The following GPSM2 variants were observed in gnomAD, a reference collection of about 807,000 sequenced individuals.
GPSM2 encodes the protein G protein-signaling modulator 2.
In GPSM2, 58 loss-of-function variants were observed where a neutral mutation model predicts 78.4. The observed-to-expected ratio is 0.74, with a 90% CI of 0.60 to 0.92. The LOEUF (loss-of-function observed/expected upper bound fraction) is 0.92, where lower values mean the gene tolerates loss of function less well. Ranked by LOEUF, GPSM2 falls within the 40% of genes least tolerant of loss-of-function variation. GPSM2 has a pLI of 0.00. For missense variants in GPSM2, 700 were observed against 815.5 expected, an observed-to-expected ratio of 0.86 and a Z score of 1.73; for synonymous variants, 224 against 280.2, an observed-to-expected ratio of 0.80 and a Z score of 2.00.
In GPSM2 at chr1:108,932,741, T is replaced by C. The variant is rs1011286818; in HGVS notation, c.*2801T>C. ...CAAGAGGACACTTTATACGCATGGA[T>C]GTTCACAAATTTATTCTAAACTGCA... is the stretch of plus-strand genomic sequence containing the variant. On this transcript the variant is annotated 3_prime_UTR_variant, in exon 15 of 15. Coordinates refer to ENST00000264126, the MANE Select transcript of GPSM2 (RefSeq NM_013296.5). 1.3e-5 allele frequency: 2 copies of C among 152,222 alleles called. No individual in the cohort carries two copies. Among genetic ancestry groups the C allele is most frequent in the Admixed American group, 1.3e-4 (2 of 15,286 alleles). 9.4% of individuals were successfully genotyped at this position (152,222 alleles called of 1,614,324 possible).
At chr1:108,890,155 TATTAAA>T (rs1230248669) in intron 2 of GPSM2, among the ~76,000 whole-genome samples, 1 of 152,216 alleles carries the variant, frequency 6.6e-6, no homozygotes, top group African/African-American at 2.4e-5. Flanking sequence ...GCACCAACTG[TATTAAA>T]ATTAAGTTAA....
chr1:108,898,519 G>A, intron 5 of GPSM2, 123 bp from the exon 6 acceptor site: 1 of 805,160 alleles, frequency 1.2e-6, no homozygotes, highest in Non-Finnish European at 2.0e-6. Flanking sequence ...TCCTTAAAAT[G>A]TTGCACATTA....
At chr1:108,898,371 A>T (rs886950761) in intron 5 of GPSM2, among the ~76,000 whole-genome samples, 1 of 152,212 alleles carries the variant, frequency 6.6e-6, no homozygotes, top group African/African-American at 2.4e-5. Flanking sequence ...GTCTTTTACC[A>T]ATAGAATTTC....
intron 10 of GPSM2, among the ~76,000 whole-genome samples, chr1:108,908,510 T>C (rs1649435269): frequency 6.7e-6 from 1 of 149,064 alleles, no homozygotes; most frequent in South Asian, 2.1e-4. Context: ...GGTGAAACCG[T>C]GTCTCTACTA....
chr1:108,910,499 G>C (rs1000026820), intron 10 of GPSM2, among the ~76,000 whole-genome samples: 1 of 152,182 alleles, frequency 6.6e-6, no homozygotes, highest in African/African-American at 2.4e-5. Flanking sequence ...TTACCGGCCA[G>C]CCTTACTTGT....
In GPSM2 at chr1:108,931,180, C is replaced by A; in HGVS notation, c.*1240C>A. On this transcript the variant is annotated 3_prime_UTR_variant, in exon 15 of 15. Coordinates refer to ENST00000264126, the MANE Select transcript of GPSM2 (RefSeq NM_013296.5). ...CTAATATAAAAACAAAAAACAAAAC[C>A]CATGTGGTTAGGTCAAGAACCTAGG... 2 of 865,522 alleles carry A rather than the reference C, an allele frequency of 2.3e-6. No individual in the cohort carries two copies. Among genetic ancestry groups the A allele is most frequent in the Non-Finnish European group, 3.3e-6 (2 of 607,464 alleles). The allele number at this position is 865,522 out of a possible 1,614,324, so 53.6% of individuals were successfully genotyped here.
rs1335403290 is a variant in GPSM2, at chr1:108,930,349, A to C, written c.*409A>C. The stretch of plus-strand genomic sequence containing the variant: ...AGTGGGAAACAATGTTGTTTGGTAA[A>C]AATAATGTACTTGATCAATGTAAAA... On this transcript the variant is annotated 3_prime_UTR_variant, in exon 15 of 15. Coordinates refer to ENST00000264126, the MANE Select transcript of GPSM2 (RefSeq NM_013296.5). 2 of 163,138 alleles carry C rather than the reference A, an allele frequency of 1.2e-5. No individual in the cohort carries two copies. Among genetic ancestry groups the C allele is most frequent in the African/African-American group, 4.8e-5 (2 of 41,656 alleles). 10.1% of individuals were successfully genotyped at this position (163,138 alleles called of 1,614,324 possible). A position where few individuals can be genotyped will look rare whatever the true frequency, so the allele number is the denominator to read the frequency against.
chr1:108,922,949 C>T (rs970169208), intron 13 of GPSM2, among the ~76,000 whole-genome samples: 5 of 152,020 alleles, frequency 3.3e-5, no homozygotes, highest in East Asian at 1.9e-4. Context: ...GTGCAATGAT[C>T]GCGTTTGTGA....
chr1:108,898,851 T>G (rs1416425557), intron 6 of GPSM2, 28 bp from the exon 7 acceptor site: 1 of 1,593,458 alleles, frequency 6.3e-7, no homozygotes, highest in African/African-American at 1.3e-5. Context: ...TTATTTTATC[T>G]ACATCTAATT....
intron 7 of GPSM2, among the ~76,000 whole-genome samples, chr1:108,900,292 T>C (rs1171874264): frequency 6.7e-6 from 1 of 150,174 alleles, no homozygotes; most frequent in African/African-American, 2.5e-5. Context: ...CAGGCTGGAG[T>C]GCAATGGCAC....
Position 108,929,750 on chromosome 1 carries a change from A to G in GPSM2, c.1865A>G (p.Lys622Arg). The change falls in exon 15 of 15, where the codon AAG becomes AGG. Residue 622 changes from lysine (K) to arginine (R), a missense_variant. By Grantham distance (26) the Lys-to-Arg change is conservative (BLOSUM62 2). Transcript: ENST00000264126. Reference sequence around the variant, plus strand: ...TGTGCTCCACCACCTGCTACCACAAAGGGTCCGACAGTACCAGATGAAGAC... The same window carrying G: ...TGTGCTCCACCACCTGCTACCACAAGGGGTCCGACAGTACCAGATGAAGAC... The part of the protein sequence containing the change: ...QRCAPPPATT[K>R]GPTVPDEDFF... 6.2e-7 allele frequency: 1 copy of G among 1,613,212 alleles called. No individual in the cohort carries two copies. The highest frequency in any genetic ancestry group is 8.5e-7 in the Non-Finnish European group (1 of 1,179,176).
At chr1:108,884,421 A>T (rs12048340) in intron 1 of GPSM2, among the ~76,000 whole-genome samples, 15,058 of 152,204 alleles carry the variant, frequency 0.099, 782 homozygotes, top group Middle Eastern at 0.12. Flanking sequence ...CAGAATGAAA[A>T]ATACATTTGG....
intron 10 of GPSM2, among the ~76,000 whole-genome samples, chr1:108,910,215 A>G (rs1649624567): frequency 6.6e-6 from 1 of 152,190 alleles, no homozygotes; most frequent in East Asian, 1.9e-4. Context: ...CAAGTTACCA[A>G]AACTGTTCCA....
intron 10 of GPSM2, among the ~76,000 whole-genome samples, chr1:108,912,220 A>C (rs1385909121): frequency 1.3e-5 from 2 of 152,208 alleles, no homozygotes; most frequent in African/African-American, 2.4e-5. Context: ...ATAAGTTTAT[A>C]TGAAACAAAA....
chr1:108,898,995 G>C lies in GPSM2; in HGVS notation c.797+1G>C. On this transcript the variant is annotated splice_donor_variant, in intron 7 of 14. Coordinates refer to ENST00000264126, the MANE Select transcript of GPSM2 (RefSeq NM_013296.5). LOFTEE classifies it high-confidence loss of function. ...TTGAAACTGCCTCGGAATACTACAA[G>C]TTAGTCTAATATTTCTGTAGATAAA... 1 of 1,459,568 alleles carries C rather than the reference G, an allele frequency of 6.9e-7. No homozygotes were observed. Among genetic ancestry groups the C allele is most frequent in the Non-Finnish European group, 9.6e-7 (1 of 1,039,822 alleles). 90.4% of individuals were successfully genotyped at this position (1,459,568 alleles called of 1,614,324 possible).
chr1:108,926,371 TAAA>T (rs1416291446), intron 14 of GPSM2: 1 of 152,036 alleles, frequency 6.6e-6, no homozygotes, highest in Non-Finnish European at 1.5e-5. Flanking sequence ...AGAAGGAAAA[TAAA>T]GAAATGAACA....
At chr1:108,891,456 C>T (rs1202115571) in intron 2 of GPSM2, among the ~76,000 whole-genome samples, 1 of 152,116 alleles carries the variant, frequency 6.6e-6, no homozygotes, top group East Asian at 1.9e-4. Context: ...CTCAGCATCA[C>T]TTTCTCCTTC....
rs1280634577 is a variant in GPSM2, at chr1:108,898,697, TTTGGAAATC to T, written c.621_629del (p.Leu208_Asn210del). On this transcript the variant is annotated inframe_deletion, in exon 6 of 15. Coordinates refer to ENST00000264126, the MANE Select transcript of GPSM2 (RefSeq NM_013296.5). ...TGACCGAGCGGCACAAGGACGTGCC[TTTGGAAATC>T]TTGGAAACACACATTACCTCCTTGG... The T allele has an allele frequency of 6.2e-7, 1 of 1,613,994 alleles. No individual in the cohort carries two copies. Among genetic ancestry groups the T allele is most frequent in the Non-Finnish European group, 8.5e-7 (1 of 1,179,868 alleles).
rs531606440 is a variant in GPSM2 at position 108,931,158 on chromosome 1, A to G, written c.*1218A>G. 1.8e-5 allele frequency: 12 copies of G among 662,276 alleles called. No individual in the cohort carries two copies. The highest frequency in any genetic ancestry group is 2.3e-5 in the Non-Finnish European group (10 of 426,486). 41.0% of individuals were successfully genotyped at this position (662,276 alleles called of 1,614,324 possible). A position where few individuals can be genotyped will look rare whatever the true frequency, so the allele number is the denominator to read the frequency against. ...GTAAAACAAACTTTTCTAAGTTCTA[A>G]TATAAAAACAAAAAACAAAACCCAT... On this transcript the variant is annotated 3_prime_UTR_variant, in exon 15 of 15. Transcript: ENST00000264126.
Sources: allele counts gnomAD v4.1 joint callset (sites outside exome capture counted in the v4.1 genomes callset), GRCh38; gene constraint gnomAD v4.1.1; transcripts MANE v1.5; gene names NCBI Gene and HGNC (gene_info 2026-07-23, HGNC 2026-07-21).